Variants in EIF3H observed in about 807,000 individuals in gnomAD.
EIF3H encodes the protein eIF-3-gamma.
Under a neutral mutation model 44.2 loss-of-function variants are expected in EIF3H, and 26 were observed. The observed-to-expected ratio is 0.59, with a 90% confidence interval of 0.43 to 0.82. The LOEUF (loss-of-function observed/expected upper bound fraction) is 0.82. Among genes scored for constraint, EIF3H ranks in the 40% least tolerant of loss-of-function variants. The pLI, the probability that EIF3H is intolerant of heterozygous loss-of-function variation, is 0.00. For missense variants in EIF3H, 359 were observed against 432.8 expected (o/e 0.83, Z 1.51); for synonymous variants, 166 against 151.9 (o/e 1.09, Z -0.68).
intron 2 of EIF3H, among the ~76,000 whole-genome samples, chr8:116,659,233 C>T (rs1813544892): frequency 6.6e-6 from 1 of 152,136 alleles, no homozygotes; most frequent in Non-Finnish European, 1.5e-5. Context: ...AATATTAATA[C>T]CTTGTTCTAA....
chr8:116,765,411 C>T (rs1459712999), intron 1 of EIF3H: 1 of 152,200 alleles, frequency 6.6e-6, no homozygotes, highest in Non-Finnish European at 1.5e-5. Flanking sequence ...AAATCATTTT[C>T]TGTGCTGGTT....
chr8:116,658,874 T>C lies in EIF3H; in HGVS notation c.396A>G (p.Ala132=), dbSNP rs1392833317. ...STYYGSFVTR[A]LLDSQFSYQH... is the part of the protein sequence containing the mutation. ...GGTAACTAAACTGAGAGTCCAGGAGTGCCCGGGTAACGAATGAGCCATAGT... is the reference window on the plus strand; with the variant it reads ...GGTAACTAAACTGAGAGTCCAGGAGCGCCCGGGTAACGAATGAGCCATAGT... Residue 132 remains alanine (A), a synonymous_variant, in exon 3 of 8, where the codon GCA becomes GCG. Transcript: ENST00000521861. The C allele has an allele frequency of 6.2e-7, 1 of 1,613,928 alleles. No homozygotes were observed. Among genetic ancestry groups the C allele is most frequent in the Non-Finnish European group, 8.5e-7 (1 of 1,179,868 alleles).
At chr8:116,719,155 CA>C (rs1322211717) in intron 2 of EIF3H, among the ~76,000 whole-genome samples, 5 of 152,136 alleles carry the variant, frequency 3.3e-5, no homozygotes, top group Non-Finnish European at 7.3e-5. Flanking sequence ...TTTGTGAGGA[CA>C]ACGGATTGAG....
At chr8:116,712,852 ATAAT>A (rs1341611602) in intron 2 of EIF3H, among the ~76,000 whole-genome samples, 2 of 152,168 alleles carry the variant, frequency 1.3e-5, no homozygotes, top group Non-Finnish European at 1.5e-5. Flanking sequence ...AAATGTAATT[ATAAT>A]TAATTATCGA....
chr8:116,753,857 C>T (rs753868162), intron 1 of EIF3H, among the ~76,000 whole-genome samples: 7 of 152,160 alleles, frequency 4.6e-5, no homozygotes, highest in African/African-American at 7.2e-5. Flanking sequence ...CGACCTGTTG[C>T]CTTTTTCAAC....
At chr8:116,660,353 A>C (rs1398070309) in intron 2 of EIF3H, among the ~76,000 whole-genome samples, 1 of 152,222 alleles carries the variant, frequency 6.6e-6, no homozygotes, top group East Asian at 1.9e-4. Context: ...TACAAAGCCT[A>C]CAAGACTCAG....
At chr8:116,709,747 G>T (rs1257094679) in intron 2 of EIF3H, among the ~76,000 whole-genome samples, 1 of 152,128 alleles carries the variant, frequency 6.6e-6, no homozygotes, top group Non-Finnish European at 1.5e-5. Flanking sequence ...TTTAGGCAAA[G>T]TAAAAATGCT....
chr8:116,706,772 T>G (rs1814477059), intron 2 of EIF3H, among the ~76,000 whole-genome samples: 1 of 152,186 alleles, frequency 6.6e-6, no homozygotes, highest in Non-Finnish European at 1.5e-5. Flanking sequence ...CTTGAACTCC[T>G]GGCCTCATGT....
At chr8:116,695,758 G>C (rs1353577868) in intron 2 of EIF3H, among the ~76,000 whole-genome samples, 1 of 152,146 alleles carries the variant, frequency 6.6e-6, no homozygotes, top group Non-Finnish European at 1.5e-5. Flanking sequence ...TGAGCAAGGT[G>C]GGGAGGGCAT....
At chr8:116,745,455 CAAG>C (rs1303617284) in intron 1 of EIF3H, among the ~76,000 whole-genome samples, 2 of 152,142 alleles carry the variant, frequency 1.3e-5, no homozygotes, top group East Asian at 1.9e-4. Flanking sequence ...AAATAATACC[CAAG>C]AAGACAGCTA....
intron 2 of EIF3H, among the ~76,000 whole-genome samples, chr8:116,667,504 AAT>A (rs1813690253): frequency 2.6e-5 from 4 of 151,738 alleles, no homozygotes; most frequent in Admixed American, 2.6e-4. Flanking sequence ...AAAATGAATT[AAT>A]AGTTTCCTTC....
chr8:116,735,572 G>T (rs1426346038), intron 1 of EIF3H, among the ~76,000 whole-genome samples: 1 of 152,098 alleles, frequency 6.6e-6, no homozygotes, highest in Admixed American at 6.5e-5. Context: ...CAAAATGCTT[G>T]GGACGACAAG....
At chr8:116,688,162 A>G (rs2130855898) in intron 2 of EIF3H, among the ~76,000 whole-genome samples, 1 of 152,272 alleles carries the variant, frequency 6.6e-6, no homozygotes, top group East Asian at 1.9e-4. Flanking sequence ...ACTACTGACA[A>G]GCTTACCACA....
chr8:116,692,455 A>T (rs1035076013), intron 2 of EIF3H, among the ~76,000 whole-genome samples: 2 of 152,224 alleles, frequency 1.3e-5, no homozygotes, highest in African/African-American at 4.8e-5. Context: ...AAATCTTCTA[A>T]TTTAGAGAAA....
In EIF3H at chr8:116,646,613, A is replaced by G. The variant is rs534174037; in HGVS notation, c.829-10T>C. 4 of 1,613,614 alleles carry G rather than the reference A, an allele frequency of 2.5e-6. No homozygotes were observed. The South Asian group carries it at 3.3e-5, about 13-fold the overall frequency. ...GGCGACGCTGCTGATACTAAAATTC[A>G]AAGGGAAAATGGTTTGGTTATTTTT... On this transcript the variant is annotated splice_polypyrimidine_tract_variant and intron_variant, in intron 6 of 7. Transcript: ENST00000521861.
At chr8:116,738,147 C>CAA (rs112870218) in intron 1 of EIF3H, among the ~76,000 whole-genome samples, 1 of 150,566 alleles carries the variant, frequency 6.6e-6, no homozygotes, top group African/African-American at 2.4e-5. Flanking sequence ...CAAAAAGCAT[C>CAA]AAAAAAAACT....
At chr8:116,706,554 A>C (rs546050840) in intron 2 of EIF3H, among the ~76,000 whole-genome samples, 6 of 152,126 alleles carry the variant, frequency 3.9e-5, no homozygotes, top group Non-Finnish European at 7.3e-5. Flanking sequence ...ATTTATTTAG[A>C]GACTGGGTCT....
rs141236906 is a variant in EIF3H, at chr8:116,748,491, T to A, written c.132+7175A>T. On this transcript the variant is annotated intron_variant, in intron 1 of 7. Transcript: ENST00000521861. ...GCTTATCCTCAACTGTGTGCTCTTT[T>A]CTCACCAACACTCAAGCATTTACTA... Among the ~76,000 whole-genome samples the A allele has an allele frequency of 3.0e-4, 46 of 152,320 alleles. No homozygotes were observed. The East Asian group carries it at 8.3e-3, about 27-fold the overall frequency.
chr8:116,734,343 G>C (rs1299986510), intron 1 of EIF3H: 1 of 456,052 alleles, frequency 2.2e-6, no homozygotes, highest in Non-Finnish European at 4.4e-6. Flanking sequence ...CAAGCCATCA[G>C]CCCTATGAAA....
Sources: gnomAD v4.1 joint callset for allele counts (sites outside exome capture counted in the v4.1 genomes callset) on GRCh38, gnomAD v4.1.1 for gene constraint, MANE v1.5 for transcripts, NCBI Gene and HGNC (gene_info 2026-07-23, HGNC 2026-07-21) for gene names.